Variants in ASPDH observed in about 807,000 individuals in gnomAD.
ASPDH encodes the protein aspartate dehydrogenase domain-containing protein.
In ASPDH, 25 loss-of-function variants were observed where a neutral mutation model predicts 30.5. The ratio of observed to expected loss-of-function variants is 0.82; its 90% confidence interval spans 0.60 to 1.14. The LOEUF (loss-of-function observed/expected upper bound fraction) is 1.14. ASPDH is among the 50% of genes most tolerant of loss of function. The pLI, the probability that ASPDH is intolerant of heterozygous loss-of-function variation, is 0.00. For synonymous variants in ASPDH, 168 were observed against 156.3 expected (o/e 1.07, Z -0.56); for missense variants, 401 against 381.5 (o/e 1.05, Z -0.43).
In ASPDH at chr19:50,513,848, C is replaced by G; in HGVS notation, c.-25G>C. On this transcript the variant is annotated 5_prime_UTR_variant, in exon 1 of 7. Coordinates refer to ENST00000389208, the MANE Select transcript of ASPDH (RefSeq NM_001114598.2). The surrounding 1 kb of genome is among the most constrained non-coding windows in gnomAD (Gnocchi z 4.9). ...TGGCCCTGAGTGCGGTGTCTGGGGCCTGGCTCCCTGGGCTGCTCGCTGCCC... is the reference window on the plus strand; with the variant it reads ...TGGCCCTGAGTGCGGTGTCTGGGGCGTGGCTCCCTGGGCTGCTCGCTGCCC... 1 of 1,547,898 alleles carries G rather than the reference C, an allele frequency of 6.5e-7. No homozygotes were observed. The highest frequency in any genetic ancestry group is 8.7e-7 in the Non-Finnish European group (1 of 1,145,786).
Position 50,512,357 on chromosome 19 carries a change from C to T in ASPDH, c.653+3G>A, listed in dbSNP as rs765945412. On this transcript the variant is annotated splice_donor_region_variant and intron_variant, in intron 5 of 6. Coordinates refer to ENST00000389208, the MANE Select transcript of ASPDH (RefSeq NM_001114598.2). ...GCCCAACACCCTGCTTAGCTCTGCT[C>T]ACCTGGTATCAGCCACGAGCACCCC... 3.1e-6 allele frequency: 5 copies of T among 1,613,790 alleles called. No individual in the cohort carries two copies. The Admixed American group carries it at 6.7e-5, about 22-fold the overall frequency.
chr19:50,513,398 C>T lies in ASPDH; in HGVS notation c.71G>A (p.Arg24His), dbSNP rs1432359382. 5.3e-6 allele frequency: 8 copies of T among 1,518,284 alleles called. No homozygotes were observed. The highest frequency in any genetic ancestry group is 2.6e-5 in the South Asian group (2 of 77,852). The allele number at this position is 1,518,284 out of a possible 1,614,324, so 94.1% of individuals were successfully genotyped here. ...AAGTTCTGGTCCCTGAGCCAAGAGG[C>T]GGGAGACGAGGGACTGTCCTGGGGA... is the stretch of plus-strand genomic sequence containing the variant. Reference protein sequence around the residue: ...YGRLGQSLVSRLLAQGPELGL... With the variant: ...YGRLGQSLVSHLLAQGPELGL... The change falls in exon 2 of 7, where the codon CGC becomes CAC. Residue 24 changes from arginine to histidine, a missense_variant. By Grantham distance (29) the Arg-to-His change is conservative. Coordinates refer to ENST00000389208, the MANE Select transcript of ASPDH (RefSeq NM_001114598.2). The surrounding 1 kb of genome is among the most constrained non-coding windows in gnomAD (Gnocchi z 4.9).
Position 50,513,133 on chromosome 19 carries a change from T to C in ASPDH, c.198-122A>G. 1 of 1,255,896 alleles carries C rather than the reference T, an allele frequency of 8.0e-7. No individual in the cohort carries two copies. Among genetic ancestry groups the C allele is most frequent in the Non-Finnish European group, 1.1e-6 (1 of 907,936 alleles). The allele number at this position is 1,255,896 out of a possible 1,614,324, so 77.8% of individuals were successfully genotyped here. ...CCCTGACCTGGGAGGCGAAATGAGATGAATGGGTTCGTCCTGTTTCACATT... is the reference window on the plus strand; with the variant it reads ...CCCTGACCTGGGAGGCGAAATGAGACGAATGGGTTCGTCCTGTTTCACATT... On this transcript the variant is annotated intron_variant, in intron 2 of 6. Transcript: ENST00000389208. This position sits in a 1 kb window ranked among gnomAD's most constrained non-coding sequence, Gnocchi z 4.9.
upstream of ASPDH, chr19:50,514,630 G>T: frequency 6.2e-7 from 1 of 1,600,364 alleles, no homozygotes. Context: ...CCCCCAACAT[G>T]AGCCCCAGCC....
rs568674205 is a variant in ASPDH at position 50,512,703 on chromosome 19, G to A, written c.390C>T (p.Gly130=). The A allele has an allele frequency of 1.7e-5, 26 of 1,551,246 alleles. No homozygotes were observed. The South Asian group carries it at 1.9e-4, about 11-fold the overall frequency. The change falls in exon 4 of 7, where the codon GGC becomes GGT. Residue 130 remains glycine (G), a synonymous_variant. Transcript: ENST00000389208. ...CATCCAATCTCCTGATGTCCTCAGC[G>A]CCCCACAGGGCCCCTCGGGCCACAA... ...AVFVARGALW[G]AEDIRRLDAA... is the part of the protein sequence containing the mutation.
rs1473739284 is a variant in ASPDH at position 50,513,566 on chromosome 19, GA to G, written c.53-151del. On this transcript the variant is annotated intron_variant, in intron 1 of 6. Coordinates refer to ENST00000389208, the MANE Select transcript of ASPDH (RefSeq NM_001114598.2). This position sits in a 1 kb window ranked among gnomAD's most constrained non-coding sequence, Gnocchi z 4.9. ...GGGAGACAGAGATGGGGGCAGGGCA[GA>G]GACACAGTGGGGTGGACAGAGGCCC... is the stretch of plus-strand genomic sequence containing the variant. 1 of 868,700 alleles carries G rather than the reference GA, an allele frequency of 1.2e-6. No homozygotes were observed. The highest frequency in any genetic ancestry group is 1.7e-5 in the African/African-American group (1 of 58,318). The allele number at this position is 868,700 out of a possible 1,614,324, so 53.8% of individuals were successfully genotyped here.
upstream of ASPDH, chr19:50,514,490 C>A: frequency 6.2e-7 from 1 of 1,613,164 alleles, no homozygotes; most frequent in Non-Finnish European, 8.5e-7. Flanking sequence ...TGACTTGCTA[C>A]CTTTCACTCT....
upstream of ASPDH, among the ~76,000 whole-genome samples, chr19:50,514,179 A>T (rs547056295): frequency 1.3e-5 from 2 of 152,076 alleles, no homozygotes; most frequent in East Asian, 3.9e-4. Context: ...TGTCATGGAA[A>T]CTGCATCTTG....
chr19:50,514,354 C>A, upstream of ASPDH: 1 of 1,372,912 alleles, frequency 7.3e-7, no homozygotes, highest in East Asian at 2.3e-5. Context: ...TGTGGCTTCT[C>A]CTCAATGTGC....
At chr19:50,514,583 C>A (rs1366040526), upstream of ASPDH, 2 of 1,612,020 alleles carry the variant, frequency 1.2e-6, no homozygotes, top group Non-Finnish European at 1.7e-6. Flanking sequence ...CTCGCGTCAG[C>A]CCAGGAGAAG....
At chr19:50,514,077 G>A (rs992782490), upstream of ASPDH, among the ~76,000 whole-genome samples, 14 of 152,158 alleles carry the variant, frequency 9.2e-5, no homozygotes, top group African/African-American at 3.4e-4. Context: ...AACCCTGCGT[G>A]CCCCCCTTTC....
chr19:50,511,915 T>A (rs1979917273), intron 6 of ASPDH, 142 bp from the exon 7 acceptor site: 1 of 535,414 alleles, frequency 1.9e-6, no homozygotes, highest in Non-Finnish European at 2.9e-6. Flanking sequence ...GCCCTGGGGG[T>A]GGACAGAGAC....
At chr19:50,513,990 G>A, upstream of ASPDH, 1 of 784,232 alleles carries the variant, frequency 1.3e-6, no homozygotes, top group Non-Finnish European at 2.0e-6. This position sits in a 1 kb window ranked among gnomAD's most constrained non-coding sequence, Gnocchi z 4.9. Context: ...CGGGAGTGGA[G>A]GCGGGAGAAC....
Position 50,512,275 on chromosome 19 carries a change from G to T in ASPDH, c.669C>A (p.His223Gln), listed in dbSNP as rs1176490940. ...GTCCGCTCAGCTCTACATCCACCAC[G>T]TGCATGTCCGTGAGGCTGGGACAAG... is the stretch of plus-strand genomic sequence containing the variant. Reference protein sequence around the residue: ...LVADTSLTDMHVVDVELSGPR... With the variant: ...LVADTSLTDMQVVDVELSGPR... The change falls in exon 6 of 7, where the codon CAC (histidine) becomes CAA (glutamine). Residue 223 changes from histidine to glutamine, a missense_variant. Physicochemically the swap from His to Gln is conservative, Grantham distance 24. Coordinates refer to ENST00000389208, the MANE Select transcript of ASPDH (RefSeq NM_001114598.2). The T allele has an allele frequency of 6.2e-7, 1 of 1,613,700 alleles. No individual in the cohort carries two copies. Among genetic ancestry groups the T allele is most frequent in the African/African-American group, 1.3e-5 (1 of 75,062 alleles).
At position 50,512,536 on chromosome 19, in the gene ASPDH, A is replaced by AAGCC. The variant is rs1202869044; in HGVS notation, c.473_476dup (p.Glu160AlafsTer2). ...TGTGGGCTGCAGCCAGGGGTCCCTC[A>AAGCC]AGCCGGAAGCCATCGGGGTGTGTGG... On this transcript the variant is annotated frameshift_variant, in exon 5 of 7. Coordinates refer to ENST00000389208, the MANE Select transcript of ASPDH (RefSeq NM_001114598.2). LOFTEE classifies it high-confidence loss of function. The AAGCC allele has an allele frequency of 2.0e-6, 3 of 1,535,356 alleles. No homozygotes were observed. The Admixed American group carries it at 6.2e-5, about 32-fold the overall frequency.
rs560128404 is a variant in ASPDH, at chr19:50,512,125, C to T, written c.808+11G>A. On this transcript the variant is annotated intron_variant, in intron 6 of 6. Transcript: ENST00000389208. Reference sequence around the variant, plus strand: ...GGAGCCCAGGGCCGGGGGAGAGGGGCCTGGCCGCACCCAGGAGGCTCTGCC... The same window carrying T: ...GGAGCCCAGGGCCGGGGGAGAGGGGTCTGGCCGCACCCAGGAGGCTCTGCC... 18 of 1,533,702 alleles carry T rather than the reference C, an allele frequency of 1.2e-5. No homozygotes were observed. The Admixed American group carries it at 2.6e-4, about 23-fold the overall frequency.
At chr19:50,512,072 C>T in intron 6 of ASPDH, 64 bp downstream of exon 6, 1 of 1,378,642 alleles carries the variant, frequency 7.3e-7, no homozygotes, top group South Asian at 1.4e-5. Context: ...TAGTGAGAGC[C>T]CGGGACCCCC....
At chr19:50,512,879 A>G (rs779171677) in intron 3 of ASPDH, 48 bp downstream of exon 3, 2 of 1,601,982 alleles carry the variant, frequency 1.2e-6, no homozygotes, top group East Asian at 4.5e-5. Context: ...GGGTGAGACC[A>G]AGACAGAAGG....
In ASPDH at chr19:50,513,012, C is replaced by T; in HGVS notation, c.198-1G>A. ...CACTTCCACAACCAGATCAGGGCGC[C>T]TGGGAGAGGGGAAAGAGGGCGGAGG... On this transcript the variant is annotated splice_acceptor_variant, in intron 2 of 6. Transcript: ENST00000389208. LOFTEE classifies it high-confidence loss of function. This position sits in a 1 kb window ranked among gnomAD's most constrained non-coding sequence, Gnocchi z 4.9. The T allele has an allele frequency of 6.2e-7, 1 of 1,612,264 alleles. No homozygotes were observed. Among genetic ancestry groups the T allele is most frequent in the Non-Finnish European group, 8.5e-7 (1 of 1,179,018 alleles).
Sources: allele counts gnomAD v4.1 joint callset (sites outside exome capture counted in the v4.1 genomes callset), GRCh38; gene constraint gnomAD v4.1.1; non-coding constraint Gnocchi (gnomAD v3.1); transcripts MANE v1.5; gene names NCBI Gene and HGNC (gene_info 2026-07-23, HGNC 2026-07-21).